Variants in MYOF observed in about 807,000 individuals in gnomAD.
MYOF encodes myoferlin.
A neutral mutation model predicts 284.2 loss-of-function variants in MYOF; 244 were observed. That is an observed-to-expected ratio of 0.86 (90% CI 0.77 to 0.95). The LOEUF is 0.95. Among genes scored for constraint, MYOF ranks in the 40% least tolerant of loss-of-function variants. MYOF has a pLI of 0.00. For synonymous variants in MYOF, 904 were observed against 919.7 expected, an observed-to-expected ratio of 0.98 and a Z score of 0.31; for missense variants, 2,496 against 2,560.6, an observed-to-expected ratio of 0.97 and a Z score of 0.54.
In MYOF at chr10:93,425,813, C is replaced by T. The variant is rs1199680974; in HGVS notation, c.433+258G>A. The T allele has an allele frequency of 1.9e-5, 10 of 514,952 alleles. No individual in the cohort carries two copies. In the Admixed American group the frequency reaches 2.0e-4, roughly 10 times the overall value. The allele number at this position is 514,952 out of a possible 1,614,324, so 31.9% of individuals were successfully genotyped here. A position where few individuals can be genotyped will look rare whatever the true frequency, so the allele number is the denominator to read the frequency against. On this transcript the variant is annotated intron_variant, in intron 5 of 53. Coordinates refer to ENST00000359263, the MANE Select transcript of MYOF (RefSeq NM_013451.4). The stretch of plus-strand genomic sequence containing the variant: ...AAGCCCTGGGACATTCTGCTGGAGC[C>T]GGCATGTGCTTTTTGTGCTCACCGT...
At position 93,313,445 on chromosome 10, in the gene MYOF, T is replaced by C. The variant is rs17108456; in HGVS notation, c.5699-235A>G. On this transcript the variant is annotated intron_variant, in intron 50 of 53. Transcript: ENST00000359263. The stretch of plus-strand genomic sequence containing the variant: ...TCTCCTGTTTTCTTTCTCAAAGATA[T>C]GAGCATAAACAGAGTTCTTTAAACT... Among the ~76,000 whole-genome samples the C allele has an allele frequency of 7.4e-3, 1,134 of 152,338 alleles. 13 individuals carry two copies. The highest frequency in any genetic ancestry group is 0.026 in the African/African-American group (1,093 of 41,586).
chr10:93,430,340 G>T (rs1465563768), intron 4 of MYOF, among the ~76,000 whole-genome samples: 2 of 151,938 alleles, frequency 1.3e-5, no homozygotes, highest in Admixed American at 1.3e-4. Context: ...CCAGCACTTT[G>T]GTAGGTCGAA....
At position 93,334,522 on chromosome 10, in the gene MYOF, G is replaced by A. The variant is rs576530631; in HGVS notation, c.4564-609C>T. On this transcript the variant is annotated intron_variant, in intron 41 of 53. Transcript: ENST00000359263. ...TTAGACTGTGGGCTTCTAGAGACGG[G>A]TGAGGGGAGCATAAAGTCTTGTTCA... 1.3e-4 allele frequency among the ~76,000 whole-genome samples: 20 copies of A among 152,310 alleles called. No individual in the cohort carries two copies. In the South Asian group the frequency reaches 4.1e-3, roughly 32 times the overall value.
chr10:93,466,998 A>AAAC (rs112864700), intron 1 of MYOF, among the ~76,000 whole-genome samples: 11,238 of 151,884 alleles, frequency 0.074, 1,425 homozygotes, highest in African/African-American at 0.26. Flanking sequence ...GCAAACAAAC[A>AAAC]AACAACAACA....
chr10:93,341,956 A>G lies in MYOF; in HGVS notation c.4327-1792T>C, dbSNP rs187796192. On this transcript the variant is annotated intron_variant, in intron 38 of 53. Transcript: ENST00000359263. ...AGCCATTTTGCTGAGTGCTGTTGAC[A>G]TACTGCTTAAGCACTGGAATTGGAA... is the stretch of plus-strand genomic sequence containing the variant. The G allele has an allele frequency of 1.6e-4, 204 of 1,289,840 alleles. No homozygotes were observed. The African/African-American group carries it at 2.5e-3, about 16-fold the overall frequency. The allele number at this position is 1,289,840 out of a possible 1,614,324, so 79.9% of individuals were successfully genotyped here.
At chr10:93,431,291 C>G in intron 4 of MYOF, 117 bp downstream of exon 4, 1 of 769,804 alleles carries the variant, frequency 1.3e-6, no homozygotes, top group East Asian at 3.1e-5. Context: ...TGCTGGCCTC[C>G]CAAAGTGCTG....
chr10:93,409,751 G>A lies in MYOF; in HGVS notation c.434-12C>T. ...TTCTTCCCCATCTCCTAAAATATCA[G>A]AAAGAAACCCAGTGAGGGATAGCCC... On this transcript the variant is annotated splice_polypyrimidine_tract_variant and intron_variant, in intron 5 of 53. Coordinates refer to ENST00000359263, the MANE Select transcript of MYOF (RefSeq NM_013451.4). 6.2e-7 allele frequency: 1 copy of A among 1,613,928 alleles called. No individual in the cohort carries two copies.
chr10:93,381,896 G>A (rs35108657), intron 19 of MYOF, among the ~76,000 whole-genome samples: 64,575 of 151,752 alleles, frequency 0.43, 15,878 homozygotes, highest in East Asian at 0.86. Flanking sequence ...AATTAGCTGG[G>A]CGTGGTGGTG....
intron 1 of MYOF, among the ~76,000 whole-genome samples, chr10:93,465,544 T>TTTTTA: frequency 7.1e-6 from 1 of 140,880 alleles, no homozygotes; most frequent in Non-Finnish European, 1.6e-5. Context: ...TTTTCTTTTT[T>TTTTTA]TTTTTTTTTG....
At chr10:93,326,929 C>G (rs968295890) in intron 45 of MYOF, among the ~76,000 whole-genome samples, 1 of 152,062 alleles carries the variant, frequency 6.6e-6, no homozygotes, top group Non-Finnish European at 1.5e-5. Context: ...CTGGCCACCA[C>G]TGTGATATTC....
At chr10:93,421,974 C>G (rs1848375169) in intron 5 of MYOF, among the ~76,000 whole-genome samples, 1 of 151,682 alleles carries the variant, frequency 6.6e-6, no homozygotes, top group South Asian at 2.1e-4. Context: ...TTTCTCTTAG[C>G]CAGATTAGGA....
At chr10:93,360,087 C>T in intron 28 of MYOF, 109 bp from the exon 29 acceptor site, 4 of 1,304,654 alleles carry the variant, frequency 3.1e-6, no homozygotes, top group Non-Finnish European at 4.3e-6. Context: ...ATGTTCTGTA[C>T]TATCATGACC....
At chr10:93,344,129 G>A (rs1206992572) in intron 37 of MYOF, among the ~76,000 whole-genome samples, 197 bp from the exon 38 acceptor site, 2 of 152,112 alleles carry the variant, frequency 1.3e-5, no homozygotes, top group African/African-American at 4.8e-5. Flanking sequence ...ACATAATATG[G>A]TTTTAGACAT....
At chr10:93,316,563 C>T in intron 50 of MYOF, 151 bp downstream of exon 50, 1 of 675,270 alleles carries the variant, frequency 1.5e-6, no homozygotes, top group Non-Finnish European at 2.6e-6. Flanking sequence ...GCCAAGAGCT[C>T]ACACAAGCAC....
Position 93,381,360 on chromosome 10 carries a change from C to T in MYOF, c.1735G>A (p.Val579Met), listed in dbSNP as rs565765901. 7.4e-6 allele frequency: 12 copies of T among 1,614,210 alleles called. No homozygotes were observed. The highest frequency in any genetic ancestry group is 5.0e-5 in the Admixed American group (3 of 60,024). Reference sequence around the variant, plus strand: ...TGCAACATGGTGGCTGAATGAAACACGGCAGACAGGCTGTACTTCCGCCTT... The same window carrying T: ...TGCAACATGGTGGCTGAATGAAACATGGCAGACAGGCTGTACTTCCGCCTT... ...QRRRKYSLSA[V>M]FHSATMLQDV... The change falls in exon 20 of 54, where the codon GTG becomes ATG. Residue 579 changes from valine to methionine, a missense_variant. Around this residue, in one of 3 missense-constraint regions of MYOF, gnomAD observed 2,436 missense variants for 2,480.7 expected, o/e 0.98. Coordinates refer to ENST00000359263, the MANE Select transcript of MYOF (RefSeq NM_013451.4).
chr10:93,461,347 G>A (rs886873688), intron 1 of MYOF, among the ~76,000 whole-genome samples: 1 of 152,194 alleles, frequency 6.6e-6, no homozygotes, highest in Non-Finnish European at 1.5e-5. Context: ...GAGCACTGTA[G>A]GAGACACAAA....
Position 93,320,029 on chromosome 10 carries a change from A to G in MYOF, c.5457-16T>C. The G allele has an allele frequency of 2.5e-6, 4 of 1,614,026 alleles. No individual in the cohort carries two copies. Among genetic ancestry groups the G allele is most frequent in the Non-Finnish European group, 3.4e-6 (4 of 1,179,890 alleles). ...AGGAATCCAGCTGAAAGGCAGAGGC[A>G]AACAGACTTAGCTTCACGTGATTGA... is the stretch of plus-strand genomic sequence containing the variant. On this transcript the variant is annotated splice_polypyrimidine_tract_variant and intron_variant, in intron 48 of 53. Transcript: ENST00000359263.
chr10:93,460,000 T>G (rs1440785170), intron 1 of MYOF, among the ~76,000 whole-genome samples: 1 of 151,758 alleles, frequency 6.6e-6, no homozygotes, highest in Non-Finnish European at 1.5e-5. Flanking sequence ...AGATAGGAGA[T>G]TCCAAGAAGT....
At chr10:93,402,942 G>A (rs1847370402) in intron 9 of MYOF, 52 bp from the exon 10 acceptor site, 1 of 1,475,814 alleles carries the variant, frequency 6.8e-7, no homozygotes, top group Admixed American at 1.7e-5. Context: ...AATCAGTCTA[G>A]TCACTTTAAA....
Sources: allele counts gnomAD v4.1 joint callset (sites outside exome capture counted in the v4.1 genomes callset), GRCh38; gene constraint gnomAD v4.1.1; regional missense constraint gnomAD v4.1.1; transcripts MANE v1.5; gene names NCBI Gene and HGNC (gene_info 2026-07-23, HGNC 2026-07-21).